ZC2HC1C: variants seen among roughly 807,000 people sequenced by gnomAD.
ZC2HC1C encodes zinc finger C2HC domain-containing protein 1C.
In ZC2HC1C, 25 loss-of-function variants were observed where a neutral mutation model predicts 39.2. The ratio of observed to expected loss-of-function variants is 0.64; its 90% confidence interval spans 0.47 to 0.89. The LOEUF (loss-of-function observed/expected upper bound fraction) is 0.89, where lower values mean the gene tolerates loss of function less well. Ranked by LOEUF, ZC2HC1C falls within the 40% of genes least tolerant of loss-of-function variation. The pLI is 0.00. For synonymous variants in ZC2HC1C, 209 were observed against 214.4 expected (o/e 0.97, Z 0.22); for missense variants, 519 against 548.6 (o/e 0.95, Z 0.54).
At chr14:75,077,215 G>T (rs1290764541) in intron 2 of ZC2HC1C, among the ~76,000 whole-genome samples, 1 of 152,088 alleles carries the variant, frequency 6.6e-6, no homozygotes, top group Non-Finnish European at 1.5e-5. Flanking sequence ...TTGAACACTT[G>T]GATGCATAAG....
intron 2 of ZC2HC1C, among the ~76,000 whole-genome samples, chr14:75,075,853 T>C (rs1893642183): frequency 6.6e-6 from 1 of 152,198 alleles, no homozygotes; most frequent in South Asian, 2.1e-4. Flanking sequence ...TCTCATGTGT[T>C]CAAGACCAGC....
intron 2 of ZC2HC1C, among the ~76,000 whole-genome samples, chr14:75,072,809 G>A (rs937834903): frequency 5.9e-5 from 9 of 152,128 alleles, no homozygotes; most frequent in East Asian, 1.9e-4. Flanking sequence ...TTGATTCGTC[G>A]TTTAGTGTTA....
chr14:75,073,606 C>T (rs1370627348), intron 2 of ZC2HC1C: 9 of 1,289,184 alleles, frequency 7.0e-6, no homozygotes, highest in African/African-American at 1.5e-5. Flanking sequence ...TTGTACCTTC[C>T]TGTCATTCCT....
At position 75,071,538 on chromosome 14, in the gene ZC2HC1C, G is replaced by C. The variant is rs758953966; in HGVS notation, c.965G>C (p.Arg322Thr). 2 of 1,614,096 alleles carry C rather than the reference G, an allele frequency of 1.2e-6. No homozygotes were observed. Among genetic ancestry groups the C allele is most frequent in the South Asian group, 2.2e-5 (2 of 91,074 alleles). ...GGTCCATTCCAGTTCTCTGATTATA[G>C]AATCCAGAGGCTCAAAAGGGAAAGG... ...NSGPFQFSDY[R>T]IQRLKRERLV... The change falls in exon 2 of 3, where the codon AGA becomes ACA. Residue 322 changes from arginine (R) to threonine (T), a missense_variant. By Grantham distance (71) the Arg-to-Thr change is moderately conservative. Transcript: ENST00000524913.
intron 2 of ZC2HC1C, among the ~76,000 whole-genome samples, chr14:75,075,567 ATTG>A (rs1413330638): frequency 1.3e-5 from 2 of 152,166 alleles, no homozygotes; most frequent in Non-Finnish European, 2.9e-5. Flanking sequence ...CATCCAGTGT[ATTG>A]TTGTGAAATC....
chr14:75,073,751 T>A, intron 2 of ZC2HC1C: 1 of 523,142 alleles, frequency 1.9e-6, no homozygotes, highest in South Asian at 1.8e-5. Context: ...GCTTTGTGCT[T>A]AATAAGTGTT....
rs1893743926 is a variant in ZC2HC1C at position 75,077,636 on chromosome 14, C to T, written c.*72C>T. Reference sequence around the variant, plus strand: ...AGCAGGTAACTGCCAAAGGTGGAAACTGTTCACACTTGCCTCCCATCCTGC... The same window carrying T: ...AGCAGGTAACTGCCAAAGGTGGAAATTGTTCACACTTGCCTCCCATCCTGC... On this transcript the variant is annotated 3_prime_UTR_variant, in exon 3 of 3. Coordinates refer to ENST00000524913, the MANE Select transcript of ZC2HC1C (RefSeq NM_024643.4). The T allele has an allele frequency of 1.3e-6, 2 of 1,583,722 alleles. No individual in the cohort carries two copies. The highest frequency in any genetic ancestry group is 1.7e-6 in the Non-Finnish European group (2 of 1,154,706).
At chr14:75,075,599 T>C (rs1893630430) in intron 2 of ZC2HC1C, among the ~76,000 whole-genome samples, 1 of 152,256 alleles carries the variant, frequency 6.6e-6, no homozygotes, top group Admixed American at 6.5e-5. Context: ...TTTTGATTCC[T>C]GTTCCATTAC....
At chr14:75,075,938 T>C (rs1041220586) in intron 2 of ZC2HC1C, among the ~76,000 whole-genome samples, 1 of 152,076 alleles carries the variant, frequency 6.6e-6, no homozygotes, top group African/African-American at 2.4e-5. Context: ...ACGCCTGTAG[T>C]CTCAGCTACT....
At chr14:75,074,570 T>TTTTTG (rs1034472917) in intron 2 of ZC2HC1C, among the ~76,000 whole-genome samples, 2 of 151,658 alleles carry the variant, frequency 1.3e-5, no homozygotes, top group Admixed American at 6.6e-5. Flanking sequence ...TACCTGTTTT[T>TTTTTG]TTTTGTTTTG....
intron 2 of ZC2HC1C, among the ~76,000 whole-genome samples, chr14:75,075,425 G>A (rs1409622739): frequency 6.6e-6 from 1 of 152,108 alleles, no homozygotes; most frequent in Non-Finnish European, 1.5e-5. Context: ...GTGCATAGCA[G>A]GTATATTGTC....
At chr14:75,076,719 T>TA (rs1418535307) in intron 2 of ZC2HC1C, among the ~76,000 whole-genome samples, 2 of 151,938 alleles carry the variant, frequency 1.3e-5, no homozygotes, top group African/African-American at 4.8e-5. Flanking sequence ...GGTCTCATGT[T>TA]AAAAAAAAGT....
Position 75,071,573 on chromosome 14 carries a change from A to T in ZC2HC1C, c.1000A>T (p.Ser334Cys), listed in dbSNP as rs1893417041. 1.2e-6 allele frequency: 2 copies of T among 1,614,074 alleles called. No homozygotes were observed. Among genetic ancestry groups the T allele is most frequent in the African/African-American group, 2.7e-5 (2 of 74,926 alleles). ...GCTCAAAAGGGAAAGGCTGGTAGCAAGCAATAATAAAATTCGAGACCCAGT... is the reference window on the plus strand; with the variant it reads ...GCTCAAAAGGGAAAGGCTGGTAGCATGCAATAATAAAATTCGAGACCCAGT... ...QRLKRERLVA[S>C]NNKIRDPVSE... is the part of the protein sequence containing the mutation. Residue 334 changes from serine to cysteine, a missense_variant, in exon 2 of 3, where the codon AGC becomes TGC. Coordinates refer to ENST00000524913, the MANE Select transcript of ZC2HC1C (RefSeq NM_024643.4).
At position 75,079,572 on chromosome 14, in the gene ZC2HC1C, T is replaced by C. The variant is rs1174920721; in HGVS notation, c.*2008T>C. 6.6e-6 allele frequency: 1 copy of C among 152,234 alleles called. No homozygotes were observed. Among genetic ancestry groups the C allele is most frequent in the Non-Finnish European group, 1.5e-5 (1 of 68,034 alleles). 9.4% of individuals were successfully genotyped at this position (152,234 alleles called of 1,614,324 possible). Reference sequence around the variant, plus strand: ...GTAAGCTGTGGCCAAGGTCACAAAATGGCAACATGTGGATTGCTTTGCTCC... The same window carrying C: ...GTAAGCTGTGGCCAAGGTCACAAAACGGCAACATGTGGATTGCTTTGCTCC... On this transcript the variant is annotated 3_prime_UTR_variant, in exon 3 of 3. Coordinates refer to ENST00000524913, the MANE Select transcript of ZC2HC1C (RefSeq NM_024643.4).
At position 75,078,883 on chromosome 14, in the gene ZC2HC1C, C is replaced by A. The variant is rs777367384; in HGVS notation, c.*1319C>A. On this transcript the variant is annotated 3_prime_UTR_variant, in exon 3 of 3. Coordinates refer to ENST00000524913, the MANE Select transcript of ZC2HC1C (RefSeq NM_024643.4). ...AGAATATTGCCTAGCACAAGTTAGACCTTCAATTAGTGAGGTCTGGAGATT... is the reference window on the plus strand; with the variant it reads ...AGAATATTGCCTAGCACAAGTTAGAACTTCAATTAGTGAGGTCTGGAGATT... 6.6e-6 allele frequency: 1 copy of A among 152,092 alleles called. No homozygotes were observed. The highest frequency in any genetic ancestry group is 1.9e-4 in the East Asian group (1 of 5,204). 9.4% of individuals were successfully genotyped at this position (152,092 alleles called of 1,614,324 possible).
rs769998462 is a variant in ZC2HC1C, at chr14:75,070,875, A to AGGGC, written c.303_306dup (p.Gln103GlyfsTer21). 1.1e-5 allele frequency: 17 copies of AGGGC among 1,614,108 alleles called. No individual in the cohort carries two copies. In the African/African-American group the frequency reaches 2.3e-4, roughly 22 times the overall value. ...CAGCAAGATCCAGAAAGTGATTCCCAGGGCCAAGGAAATGGTTTGTTTTAC... is the reference window on the plus strand; with the variant it reads ...CAGCAAGATCCAGAAAGTGATTCCCAGGGCGGGCCAAGGAAATGGTTTGTTTTAC... On this transcript the variant is annotated frameshift_variant, in exon 2 of 3. Transcript: ENST00000524913. LOFTEE classifies it high-confidence loss of function.
In ZC2HC1C at chr14:75,073,601, C is replaced by T. The variant is rs541479888; in HGVS notation, c.1338+1690C>T. On this transcript the variant is annotated intron_variant, in intron 2 of 2. Transcript: ENST00000524913. ...TGCCTTTGGAAGCTGAGTGGTTGTA[C>T]CTTCCTGTCATTCCTCTAGAGTACT... The T allele has an allele frequency of 4.7e-5, 61 of 1,289,324 alleles. No homozygotes were observed. The South Asian group carries it at 7.3e-4, about 15-fold the overall frequency. The allele number at this position is 1,289,324 out of a possible 1,614,324, so 79.9% of individuals were successfully genotyped here. A position where few individuals can be genotyped will look rare whatever the true frequency, so the allele number is the denominator to read the frequency against.
Position 75,077,723 on chromosome 14 carries a change from G to A in ZC2HC1C, c.*159G>A. ...GTAGCCACCACTTTGCTCCCAAGGT[G>A]GCTGAGCAACACATTCCCAAGTGTA... On this transcript the variant is annotated 3_prime_UTR_variant, in exon 3 of 3. Transcript: ENST00000524913. The A allele has an allele frequency of 1.3e-6, 1 of 786,856 alleles. No individual in the cohort carries two copies. The highest frequency in any genetic ancestry group is 2.1e-6 in the Non-Finnish European group (1 of 484,702). 48.7% of individuals were successfully genotyped at this position (786,856 alleles called of 1,614,324 possible).
intron 2 of ZC2HC1C, among the ~76,000 whole-genome samples, chr14:75,074,326 A>G (rs533614402): frequency 5.9e-5 from 9 of 152,178 alleles, no homozygotes; most frequent in African/African-American, 2.2e-4. Flanking sequence ...ATCTCTTCCT[A>G]TTATTCATCA....
Sources: gnomAD v4.1 joint callset for allele counts (sites outside exome capture counted in the v4.1 genomes callset) on GRCh38, gnomAD v4.1.1 for gene constraint, MANE v1.5 for transcripts, NCBI Gene and HGNC (gene_info 2026-07-23, HGNC 2026-07-21) for gene names.